The following FASTKD3 variants were observed in gnomAD, a reference collection of about 807,000 sequenced individuals.
FASTKD3 encodes FAST kinase domain-containing protein 3, mitochondrial.
In FASTKD3, 47 loss-of-function variants were observed where a neutral mutation model predicts 49.7. That is an observed-to-expected ratio of 0.95 (90% CI 0.75 to 1.21). FASTKD3 has a LOEUF of 1.21. FASTKD3 is among the 50% of genes most tolerant of loss of function. The pLI is 0.00. For synonymous variants in FASTKD3, 284 were observed against 288.6 expected (o/e 0.98, Z 0.16); for missense variants, 748 against 765.7 (o/e 0.98, Z 0.27).
intron 1 of FASTKD3, among the ~76,000 whole-genome samples, 182 bp downstream of exon 1, chr5:7,868,797 G>C (rs937965184): frequency 6.6e-6 from 1 of 152,248 alleles, no homozygotes; most frequent in African/African-American, 2.4e-5. Context: ...CAGACAGACG[G>C]GAGGCCCCGC....
chr5:7,868,201 A>C lies in FASTKD3; in HGVS notation c.-113-5T>G. The C allele has an allele frequency of 1.1e-4, 1 of 9,328 alleles. No individual in the cohort carries two copies. Among genetic ancestry groups the C allele is most frequent in the East Asian group, 1.3e-3 (1 of 748 alleles). The allele number at this position is 9,328 out of a possible 1,614,324, so 0.6% of individuals were successfully genotyped here. A position where few individuals can be genotyped will look rare whatever the true frequency, so the allele number is the denominator to read the frequency against. Reference sequence around the variant, plus strand: ...TATGAAACTACAAACGAGTATCTGGAAAAAAAAAAAAAAAAAAAAAAAGGA... The same window carrying C: ...TATGAAACTACAAACGAGTATCTGGCAAAAAAAAAAAAAAAAAAAAAAGGA... On this transcript the variant is annotated splice_polypyrimidine_tract_variant and splice_region_variant and intron_variant, in intron 1 of 6. Coordinates refer to ENST00000264669, the MANE Select transcript of FASTKD3 (RefSeq NM_024091.4).
chr5:7,862,850 CT>C lies in FASTKD3; in HGVS notation c.1671del (p.Val558CysfsTer2). On this transcript the variant is annotated frameshift_variant, in exon 4 of 7. Transcript: ENST00000264669. LOFTEE classifies it high-confidence loss of function. ...LLGARLYFAP[K>X]VLTPYCYTID... ...ATTGTATAACAATAGGGTGTCAACA[CT>C]TTTGGAGCAAAATATAATCTTGCTC... is the stretch of plus-strand genomic sequence containing the variant. 1 of 1,613,720 alleles carries C rather than the reference CT, an allele frequency of 6.2e-7. No homozygotes were observed.
rs1366732415 is a variant in FASTKD3 at position 7,862,895 on chromosome 5, C to G, written c.1627G>C (p.Gly543Arg). The G allele has an allele frequency of 6.2e-7, 1 of 1,613,994 alleles. No homozygotes were observed. The highest frequency in any genetic ancestry group is 8.5e-7 in the Non-Finnish European group (1 of 1,179,964). The change falls in exon 4 of 7, where the codon GGG (glycine) becomes CGG (arginine). Residue 543 changes from glycine to arginine, a missense_variant. By Grantham distance (125) the Gly-to-Arg change is moderately radical. Around this residue, in one of 3 missense-constraint regions of FASTKD3, gnomAD observed 178 missense variants for 182.2 expected, o/e 0.98. Transcript: ENST00000264669. ...DSQLYRYVKIGLTNLLGARLY... is the reference protein window; with the variant it reads ...DSQLYRYVKIRLTNLLGARLY... Reference sequence around the variant, plus strand: ...CTTGCTCCTAAAAGGTTAGTCAGCCCAATCTTCACATATCTATAAAGCTGA... The same window carrying G: ...CTTGCTCCTAAAAGGTTAGTCAGCCGAATCTTCACATATCTATAAAGCTGA...
chr5:7,865,940 G>A lies in FASTKD3; in HGVS notation c.1482C>T (p.Thr494=). 6.2e-7 allele frequency: 1 copy of A among 1,613,984 alleles called. No individual in the cohort carries two copies. Among genetic ancestry groups the A allele is most frequent in the East Asian group, 2.2e-5 (1 of 44,864 alleles). ...CCAGGACTGAGGCTAAGAAAAGTTG[G>A]GTCAGTTGTGCCCGACTCAATGTGT... ...HLDTLSRAQL[T]QLFLASVLEC... The change falls in exon 3 of 7, where the codon ACC becomes ACT. Residue 494 remains threonine (T), a synonymous_variant. Transcript: ENST00000264669.
At chr5:7,866,298 A>G (rs1299716371) in intron 2 of FASTKD3, among the ~76,000 whole-genome samples, 1 of 137,276 alleles carries the variant, frequency 7.3e-6, no homozygotes, top group African/African-American at 2.6e-5. Context: ...ATTAAGATGA[A>G]TAATACCATC....
In FASTKD3 at chr5:7,867,267, G is replaced by A. The variant is rs1366040378; in HGVS notation, c.817C>T (p.His273Tyr). ...LQACTEKVDE[H>Y]QTFLNKINNF... ...TTTATCTTATTTAAAAATGTTTGGTGTTCATCCACTTTTTCAGTACATGCC... is the reference window on the plus strand; with the variant it reads ...TTTATCTTATTTAAAAATGTTTGGTATTCATCCACTTTTTCAGTACATGCC... Residue 273 changes from histidine (H) to tyrosine (Y), a missense_variant, in exon 2 of 7, where the codon CAC becomes TAC. Coordinates refer to ENST00000264669, the MANE Select transcript of FASTKD3 (RefSeq NM_024091.4). 1 of 1,613,770 alleles carries A rather than the reference G, an allele frequency of 6.2e-7. No individual in the cohort carries two copies. Among genetic ancestry groups the A allele is most frequent in the African/African-American group, 1.3e-5 (1 of 75,046 alleles).
intron 6 of FASTKD3, among the ~76,000 whole-genome samples, chr5:7,860,396 T>G (rs1296760100): frequency 2.0e-5 from 3 of 152,192 alleles, no homozygotes; most frequent in African/African-American, 7.2e-5. Flanking sequence ...AGCTCCTTAT[T>G]TTAATGGATT....
chr5:7,864,604 GA>G (rs113971468), intron 3 of FASTKD3, among the ~76,000 whole-genome samples: 8,789 of 152,180 alleles, frequency 0.058, 399 homozygotes, highest in East Asian at 0.21. Flanking sequence ...CAATTCAAAA[GA>G]AATGTAAATG....
intron 6 of FASTKD3, among the ~76,000 whole-genome samples, chr5:7,860,412 G>C (rs1175811142): frequency 6.6e-6 from 1 of 152,078 alleles, no homozygotes; most frequent in African/African-American, 2.4e-5. Flanking sequence ...GGATTATCTT[G>C]TTCATTTTTA....
Position 7,867,389 on chromosome 5 carries a change from C to A in FASTKD3, c.695G>T (p.Gly232Val). ...GESLITLHSS[G>V]CVTLELIINQ... Reference sequence around the variant, plus strand: ...TATAATGAGTTCTAGTGTCACACAACCTGAACTGTGCAGTGTAATCAGACT... The same window carrying A: ...TATAATGAGTTCTAGTGTCACACAAACTGAACTGTGCAGTGTAATCAGACT... The change falls in exon 2 of 7, where the codon GGT (glycine) becomes GTT (valine). Residue 232 changes from glycine (G) to valine (V), a missense_variant. Physicochemically the swap from Gly to Val is moderately radical, Grantham distance 109. Around this residue, in one of 3 missense-constraint regions of FASTKD3, gnomAD observed 564 missense variants for 562.8 expected, o/e 1.00. Coordinates refer to ENST00000264669, the MANE Select transcript of FASTKD3 (RefSeq NM_024091.4). The A allele has an allele frequency of 6.2e-7, 1 of 1,614,208 alleles. No homozygotes were observed. The highest frequency in any genetic ancestry group is 8.5e-7 in the Non-Finnish European group (1 of 1,180,042).
chr5:7,867,429 A>G lies in FASTKD3; in HGVS notation c.655T>C (p.Cys219Arg), dbSNP rs1190102553. 3 of 1,614,202 alleles carry G rather than the reference A, an allele frequency of 1.9e-6. No homozygotes were observed. In the South Asian group the frequency reaches 3.3e-5, roughly 18 times the overall value. The change falls in exon 2 of 7, where the codon TGT becomes CGT. Residue 219 changes from cysteine (C) to arginine (R), a missense_variant. Around this residue, in one of 3 missense-constraint regions of FASTKD3, gnomAD observed 564 missense variants for 562.8 expected, o/e 1.00. Coordinates refer to ENST00000264669, the MANE Select transcript of FASTKD3 (RefSeq NM_024091.4). ...RKGGMEVRNL[C>R]ILGESLITLH... ...GTAATCAGACTTTCCCCAAGAATAC[A>G]AAGATTGCGAACTTCCATGCCACCT...
At chr5:7,864,432 C>T (rs1229343936) in intron 3 of FASTKD3, among the ~76,000 whole-genome samples, 2 of 151,840 alleles carry the variant, frequency 1.3e-5, no homozygotes, top group Non-Finnish European at 2.9e-5. Context: ...AAGACAGATT[C>T]GACTACAGAA....
chr5:7,862,329 T>C (rs144413856), intron 4 of FASTKD3, among the ~76,000 whole-genome samples: 1 of 152,250 alleles, frequency 6.6e-6, no homozygotes, highest in East Asian at 1.9e-4. Context: ...TGCTGTCCAA[T>C]TTGGCAGCCA....
Position 7,866,624 on chromosome 5 carries a change from TCA to T in FASTKD3, c.1438+20_1438+21del. 1 of 1,528,502 alleles carries T rather than the reference TCA, an allele frequency of 6.5e-7. No individual in the cohort carries two copies. Among genetic ancestry groups the T allele is most frequent in the Admixed American group, 2.1e-5 (1 of 47,246 alleles). The allele number at this position is 1,528,502 out of a possible 1,614,324, so 94.7% of individuals were successfully genotyped here. ...TTCAAAGGTTACTTTTTTCCAACTG[TCA>T]GAATTTATAACCAACTCACCTTGCA... On this transcript the variant is annotated intron_variant, in intron 2 of 6. Coordinates refer to ENST00000264669, the MANE Select transcript of FASTKD3 (RefSeq NM_024091.4).
chr5:7,867,692 G>A lies in FASTKD3; in HGVS notation c.392C>T (p.Ala131Val). ...TMETLPDTMA[A>V]GALQRICEVE... The stretch of plus-strand genomic sequence containing the variant: ...TTCACAAATTCGTTGTAAAGCTCCT[G>A]CTGCCATAGTGTCAGGCAGGGTTTC... The change falls in exon 2 of 7, where the codon GCA becomes GTA. Residue 131 changes from alanine (A) to valine (V), a missense_variant. Physicochemically the swap from Ala to Val is moderately conservative, Grantham distance 64. This residue lies in a region of FASTKD3 where 564 missense variants were observed against 562.8 expected (regional missense o/e 1.00). Coordinates refer to ENST00000264669, the MANE Select transcript of FASTKD3 (RefSeq NM_024091.4). 1 of 1,614,196 alleles carries A rather than the reference G, an allele frequency of 6.2e-7. No individual in the cohort carries two copies. Among genetic ancestry groups the A allele is most frequent in the Non-Finnish European group, 8.5e-7 (1 of 1,180,038 alleles).
At chr5:7,868,486 C>T (rs937891545) in intron 1 of FASTKD3, among the ~76,000 whole-genome samples, 5 of 152,000 alleles carry the variant, frequency 3.3e-5, no homozygotes, top group Admixed American at 3.3e-4. Flanking sequence ...TAAGGGTGGC[C>T]CTTAAATGTT....
rs759461629 is a variant in FASTKD3 at position 7,867,091 on chromosome 5, G to A, written c.993C>T (p.Asn331=). ...YVVRHVPHFT[N]EELRRVLEAF... Reference sequence around the variant, plus strand: ...CCTCCAAGACTCTCCTAAGCTCCTCGTTAGTGAAATGTGGGACATGCCTCA... The same window carrying A: ...CCTCCAAGACTCTCCTAAGCTCCTCATTAGTGAAATGTGGGACATGCCTCA... The change falls in exon 2 of 7, where the codon AAC becomes AAT. Residue 331 remains asparagine, a synonymous_variant. Transcript: ENST00000264669. The A allele has an allele frequency of 3.1e-6, 5 of 1,614,010 alleles. No homozygotes were observed. The highest frequency in any genetic ancestry group is 2.2e-5 in the East Asian group (1 of 44,896).
rs1442829435 is a variant in FASTKD3 at position 7,859,357 on chromosome 5, T to TCA, written c.*76_*77dup. The TCA allele has an allele frequency of 3.6e-6, 3 of 839,634 alleles. No individual in the cohort carries two copies. The African/African-American group carries it at 5.2e-5, about 15-fold the overall frequency. The allele number at this position is 839,634 out of a possible 1,614,324, so 52.0% of individuals were successfully genotyped here. ...GAACATATTCTGCAAAGTGGCTAAT[T>TCA]CACATTATATTTTTCTTTTAATACT... is the stretch of plus-strand genomic sequence containing the variant. On this transcript the variant is annotated 3_prime_UTR_variant, in exon 7 of 7. Coordinates refer to ENST00000264669, the MANE Select transcript of FASTKD3 (RefSeq NM_024091.4).
At chr5:7,860,733 A>G (rs1746479671) in intron 6 of FASTKD3, among the ~76,000 whole-genome samples, 1 of 152,246 alleles carries the variant, frequency 6.6e-6, no homozygotes, top group South Asian at 2.1e-4. Flanking sequence ...GGCCTTGAAA[A>G]TAACCTTAAC....
Sources: allele counts gnomAD v4.1 joint callset (sites outside exome capture counted in the v4.1 genomes callset), GRCh38; gene constraint gnomAD v4.1.1; regional missense constraint gnomAD v4.1.1; transcripts MANE v1.5; gene names NCBI Gene and HGNC (gene_info 2026-07-23, HGNC 2026-07-21).